The following ARF4 variants were observed in gnomAD, a reference collection of about 807,000 sequenced individuals.
The protein encoded by ARF4 is ARF GTPase 4, also known as ADP-ribosylation factor 4.
A neutral mutation model predicts 24.3 loss-of-function variants in ARF4; 5 were observed. The observed-to-expected ratio is 0.21, with a 90% CI of 0.11 to 0.43. The LOEUF is 0.43. Ranked by LOEUF, ARF4 falls within the 20% of genes least tolerant of loss-of-function variation. ARF4 has a pLI of 1.00. For synonymous variants in ARF4, 62 were observed against 73.5 expected (o/e 0.84, Z 0.80); for missense variants, 107 against 213.0 (o/e 0.50, Z 3.10).
intron 5 of ARF4, 93 bp downstream of exon 5, chr3:57,575,455 A>C: frequency 7.9e-7 from 1 of 1,258,508 alleles, no homozygotes. Context: ...TGTCCAAAGG[A>C]GATAATAAAT....
At chr3:57,582,041 G>C (rs1313376100) in intron 3 of ARF4, among the ~76,000 whole-genome samples, 2 of 152,154 alleles carry the variant, frequency 1.3e-5, no homozygotes, top group African/African-American at 4.8e-5. Flanking sequence ...TCTGGATTTA[G>C]AATGCTCAAC....
rs577443361 is a variant in ARF4, at chr3:57,573,217, A to G, written c.457-919T>C. The stretch of plus-strand genomic sequence containing the variant: ...ACTCCATCTCAAAAAAAAAAAAAAG[A>G]AAGAAAGAAAGAGTAGGGTTTGTTG... On this transcript the variant is annotated intron_variant, in intron 5 of 5. Transcript: ENST00000303436. 1.1e-4 allele frequency among the ~76,000 whole-genome samples: 16 copies of G among 148,000 alleles called. 1 individual carries two copies. The South Asian group carries it at 3.5e-3, about 33-fold the overall frequency.
In ARF4 at chr3:57,596,367, C is replaced by G. The variant is rs896267141; in HGVS notation, c.67+707G>C. ...ACCGCCTAAAAATAAGCTTAAAAACCTAGGAGAATAAACCAAACACATTTA... is the reference window on the plus strand; with the variant it reads ...ACCGCCTAAAAATAAGCTTAAAAACGTAGGAGAATAAACCAAACACATTTA... On this transcript the variant is annotated intron_variant, in intron 1 of 5. Coordinates refer to ENST00000303436, the MANE Select transcript of ARF4 (RefSeq NM_001660.4). 1.4e-4 allele frequency among the ~76,000 whole-genome samples: 21 copies of G among 152,170 alleles called. 1 individual carries two copies. The highest frequency in any genetic ancestry group is 1.2e-3 in the South Asian group (6 of 4,818).
intron 3 of ARF4, among the ~76,000 whole-genome samples, chr3:57,582,426 A>G (rs2069986326): frequency 7.1e-6 from 1 of 141,658 alleles, no homozygotes; most frequent in African/African-American, 2.4e-5. Context: ...TATTTTTAGT[A>G]AAGACGGGGT....
intron 3 of ARF4, among the ~76,000 whole-genome samples, chr3:57,582,185 G>A (rs1438068484): frequency 6.6e-6 from 1 of 152,024 alleles, no homozygotes; most frequent in African/African-American, 2.4e-5. Context: ...TTTAAAGCAT[G>A]TGCCTCTGTA....
intron 3 of ARF4, among the ~76,000 whole-genome samples, chr3:57,581,180 C>T (rs1167316669): frequency 1.3e-5 from 2 of 152,150 alleles, no homozygotes; most frequent in Non-Finnish European, 2.9e-5. Flanking sequence ...AAGTTAGAAA[C>T]ATGGTTAAAG....
chr3:57,573,014 A>G (rs999973161), intron 5 of ARF4, among the ~76,000 whole-genome samples: 1 of 151,964 alleles, frequency 6.6e-6, no homozygotes, highest in Non-Finnish European at 1.5e-5. Flanking sequence ...CTTCCTGGCT[A>G]ACGCAGTGAA....
intron 3 of ARF4, among the ~76,000 whole-genome samples, chr3:57,581,587 G>A (rs1247952152): frequency 6.6e-6 from 1 of 152,188 alleles, no homozygotes; most frequent in Non-Finnish European, 1.5e-5. Context: ...GATCACATGA[G>A]GTCAGGAGAT....
intron 1 of ARF4, among the ~76,000 whole-genome samples, chr3:57,589,820 C>T (rs889774593): frequency 6.6e-6 from 1 of 151,910 alleles, no homozygotes; most frequent in African/African-American, 2.4e-5. Flanking sequence ...CAGCCGGGCA[C>T]GGTGGCTCAC....
chr3:57,573,488 A>G (rs1319030296), intron 5 of ARF4, among the ~76,000 whole-genome samples: 1 of 152,208 alleles, frequency 6.6e-6, no homozygotes, highest in African/African-American at 2.4e-5. Flanking sequence ...AAATCTCAGT[A>G]ACCTAGGAGG....
At chr3:57,581,595 G>A (rs1003054839) in intron 3 of ARF4, among the ~76,000 whole-genome samples, 1 of 152,206 alleles carries the variant, frequency 6.6e-6, no homozygotes, top group Non-Finnish European at 1.5e-5. Flanking sequence ...GAGGTCAGGA[G>A]ATCGAGACCA....
chr3:57,591,123 G>T (rs924937512), intron 1 of ARF4, among the ~76,000 whole-genome samples: 1 of 152,128 alleles, frequency 6.6e-6, no homozygotes, highest in Non-Finnish European at 1.5e-5. Flanking sequence ...TATTGCTAGT[G>T]GGGATGTAAA....
At position 57,579,253 on chromosome 3, in the gene ARF4, C is replaced by CAAAAAAA. The variant is rs764058520; in HGVS notation, c.259-1873_259-1867dup. On this transcript the variant is annotated intron_variant, in intron 3 of 5. Coordinates refer to ENST00000303436, the MANE Select transcript of ARF4 (RefSeq NM_001660.4). ...TGGGCGACAAGAGCAAACTACATCT[C>CAAAAAAA]AAAAAAAAAAAAAAAAAAAAGGAAC... Among the ~76,000 whole-genome samples the CAAAAAAA allele has an allele frequency of 4.5e-3, 214 of 47,376 alleles. 10 individuals carry two copies. The highest frequency in any genetic ancestry group is 8.0e-3 in the African/African-American group (92 of 11,456). The allele number at this position is 47,376 out of a possible 152,430, so 31.1% of individuals were successfully genotyped here. A position where few individuals can be genotyped will look rare whatever the true frequency, so the allele number is the denominator to read the frequency against.
chr3:57,592,322 AC>A (rs1227124609), intron 1 of ARF4, among the ~76,000 whole-genome samples: 1 of 152,018 alleles, frequency 6.6e-6, no homozygotes, highest in Non-Finnish European at 1.5e-5. Context: ...AACCCTCTCT[AC>A]TACAAATATG....
At chr3:57,584,555 T>A in intron 1 of ARF4, 91 bp from the exon 2 acceptor site, 1 of 1,173,884 alleles carries the variant, frequency 8.5e-7, no homozygotes, top group South Asian at 1.4e-5. Context: ...AAACTAGAAG[T>A]TGACTGTTCA....
intron 2 of ARF4, 171 bp from the exon 3 acceptor site, chr3:57,584,178 G>C: frequency 1.4e-6 from 1 of 695,884 alleles, no homozygotes; most frequent in Middle Eastern, 4.1e-4. Flanking sequence ...ATGCAGGCTG[G>C]TCTTGAACTC....
chr3:57,590,089 CAATAAATAAATAAATA>C (rs71088095), intron 1 of ARF4, among the ~76,000 whole-genome samples: 43 of 135,206 alleles, frequency 3.2e-4, no homozygotes, highest in Admixed American at 1.4e-3. Flanking sequence ...GACTCTGTCT[CAATAAATAAATAAATA>C]AATAAATAAA....
intron 5 of ARF4, among the ~76,000 whole-genome samples, chr3:57,574,144 T>A (rs2069875314): frequency 6.6e-6 from 1 of 151,716 alleles, no homozygotes; most frequent in Admixed American, 6.6e-5. Context: ...TTTCATCATC[T>A]TGGCCATGTT....
chr3:57,596,835 A>T, intron 1 of ARF4: 1 of 517,578 alleles, frequency 1.9e-6, no homozygotes, highest in Non-Finnish European at 3.5e-6. Context: ...GAAAAAGCCG[A>T]GTCCAGAAAG....
Sources: allele counts gnomAD v4.1 joint callset (sites outside exome capture counted in the v4.1 genomes callset), GRCh38; gene constraint gnomAD v4.1.1; transcripts MANE v1.5; gene names NCBI Gene and HGNC (gene_info 2026-07-23, HGNC 2026-07-21).